Variants in HTT observed in about 807,000 individuals in gnomAD.
HTT encodes huntington disease protein.
HTT carries 104 observed loss-of-function variants against 362.3 expected under a neutral mutation model. The observed-to-expected ratio is 0.29, with a 90% CI of 0.24 to 0.34. The LOEUF is 0.34. Among genes scored for constraint, HTT ranks in the 10% least tolerant of loss-of-function variants. The pLI is 1.00. For synonymous variants in HTT, 1,577 were observed against 1,548.7 expected, an observed-to-expected ratio of 1.02 and a Z score of -0.43; for missense variants, 3,301 against 3,928.6, an observed-to-expected ratio of 0.84 and a Z score of 4.27.
chr4:3,206,842 G>A lies in HTT; in HGVS notation c.5934G>A (p.Glu1978=). 1.2e-6 allele frequency: 2 copies of A among 1,611,128 alleles called. No individual in the cohort carries two copies. The highest frequency in any genetic ancestry group is 1.1e-5 in the South Asian group (1 of 90,768). Reference sequence around the variant, plus strand: ...TGAAGAAAACTCTTCAGTGCTTGGAGGGGATCCATCTCAGCCAGTCGGGAG... The same window carrying A: ...TGAAGAAAACTCTTCAGTGCTTGGAAGGGATCCATCTCAGCCAGTCGGGAG... ...TMLKKTLQCL[E]GIHLSQSGAV... is the part of the protein sequence containing the mutation. The change falls in exon 44 of 67, where the codon GAG becomes GAA. Residue 1978 remains glutamate, a synonymous_variant. Transcript: ENST00000355072. The surrounding 1 kb of genome is among the most constrained non-coding windows in gnomAD (Gnocchi z 4.6).
At chr4:3,215,532 C>T (rs1019889101) in intron 51 of HTT, among the ~76,000 whole-genome samples, 1 of 152,178 alleles carries the variant, frequency 6.6e-6, no homozygotes, top group African/African-American at 2.4e-5. Flanking sequence ...GGGCAGGGAA[C>T]AGGTTTGTCT....
At chr4:3,192,050 T>G (rs954947371) in intron 40 of HTT, among the ~76,000 whole-genome samples, 11 of 152,146 alleles carry the variant, frequency 7.2e-5, no homozygotes, top group Admixed American at 6.5e-4. Context: ...TCTGCTTTCT[T>G]CTTTTCATTT....
chr4:3,101,946 G>T (rs182383325), intron 3 of HTT, among the ~76,000 whole-genome samples: 82 of 152,332 alleles, frequency 5.4e-4, no homozygotes, highest in African/African-American at 1.9e-3. Context: ...GTCTCAAGGG[G>T]TGCCAGGAAG....
intron 61 of HTT, 66 bp downstream of exon 61, chr4:3,233,419 A>C: frequency 1.4e-6 from 2 of 1,465,822 alleles, no homozygotes; most frequent in Non-Finnish European, 9.4e-7. Context: ...AAGCAGCATC[A>C]CCCTCTCCAA....
At position 3,174,937 on chromosome 4, in the gene HTT, T is replaced by C; in HGVS notation, c.4246-9T>C. The C allele has an allele frequency of 1.3e-6, 2 of 1,566,896 alleles. No individual in the cohort carries two copies. The highest frequency in any genetic ancestry group is 1.7e-6 in the Non-Finnish European group (2 of 1,153,328). ...ATGGATTCTTTCTTTCTTTTTTTCTTTTTTATAGAATGCTATTCATAATCA... is the reference window on the plus strand; with the variant it reads ...ATGGATTCTTTCTTTCTTTTTTTCTCTTTTATAGAATGCTATTCATAATCA... On this transcript the variant is annotated splice_polypyrimidine_tract_variant and intron_variant, in intron 32 of 66. Transcript: ENST00000355072.
chr4:3,184,114 G>A (rs752760924), intron 37 of HTT, among the ~76,000 whole-genome samples: 11 of 152,026 alleles, frequency 7.2e-5, no homozygotes, highest in Non-Finnish European at 1.3e-4. Context: ...TGGTGTCTGC[G>A]GTGGGAGTGG....
intron 57 of HTT, among the ~76,000 whole-genome samples, chr4:3,227,805 C>G (rs1468783862): frequency 6.6e-6 from 1 of 150,724 alleles, no homozygotes. Flanking sequence ...CCTGCCCTGT[C>G]TGGGGCTGAA....
Position 3,241,936 on chromosome 4 carries a change from A to G in HTT, c.*1877A>G, listed in dbSNP as rs1485320896. ...GGGAAGCTACTGAATTATAACACGT[A>G]AGAAAATCACCATTCCGTATTGGTT... is the stretch of plus-strand genomic sequence containing the variant. On this transcript the variant is annotated 3_prime_UTR_variant, in exon 67 of 67. Transcript: ENST00000355072. The G allele has an allele frequency of 4.7e-5, 1 of 21,454 alleles. No homozygotes were observed. Among genetic ancestry groups the G allele is most frequent in the Admixed American group, 7.3e-4 (1 of 1,366 alleles). The allele number at this position is 21,454 out of a possible 1,614,324, so 1.3% of individuals were successfully genotyped here.
At chr4:3,075,940 C>T (rs994988432) in intron 1 of HTT, among the ~76,000 whole-genome samples, 2 of 151,968 alleles carry the variant, frequency 1.3e-5, no homozygotes, top group Admixed American at 1.3e-4. Flanking sequence ...AGTTTTTTGC[C>T]TATGTGTGTT....
chr4:3,167,106 C>T (rs1717754485), intron 29 of HTT, among the ~76,000 whole-genome samples: 1 of 152,252 alleles, frequency 6.6e-6, no homozygotes, highest in African/African-American at 2.4e-5. Context: ...GAGTCTTGCT[C>T]TGTCGCCCAG....
In HTT at chr4:3,218,081, C is replaced by A; in HGVS notation, c.7242+129C>A. 1 of 763,236 alleles carries A rather than the reference C, an allele frequency of 1.3e-6. No individual in the cohort carries two copies. The highest frequency in any genetic ancestry group is 2.0e-6 in the Non-Finnish European group (1 of 491,624). 47.3% of individuals were successfully genotyped at this position (763,236 alleles called of 1,614,324 possible). ...GAGGCTGCCTGCTGTGGTTCTGGTG[C>A]CCACTGTGGTTCTGGTGCCAGGCTG... On this transcript the variant is annotated intron_variant, in intron 52 of 66. Transcript: ENST00000355072. This position sits in a 1 kb window ranked among gnomAD's most constrained non-coding sequence, Gnocchi z 4.4.
intron 1 of HTT, among the ~76,000 whole-genome samples, chr4:3,078,327 C>G (rs1363064193): frequency 1.3e-5 from 2 of 152,286 alleles, no homozygotes; most frequent in East Asian, 1.9e-4. Flanking sequence ...CCTCGTGAAG[C>G]TTTCATTCTA....
intron 30 of HTT, among the ~76,000 whole-genome samples, chr4:3,172,657 C>G (rs1430267997): frequency 6.6e-6 from 1 of 152,178 alleles, no homozygotes; most frequent in Non-Finnish European, 1.5e-5. Context: ...CTTCCAGTCC[C>G]TCGGAGTTTC....
chr4:3,099,031 T>C (rs914453126), intron 2 of HTT, among the ~76,000 whole-genome samples: 1 of 152,228 alleles, frequency 6.6e-6, no homozygotes, highest in Non-Finnish European at 1.5e-5. Context: ...AGTTTTCATA[T>C]ACCCTACATC....
intron 40 of HTT, among the ~76,000 whole-genome samples, chr4:3,192,034 C>G (rs1287881676): frequency 6.6e-6 from 1 of 152,098 alleles, no homozygotes; most frequent in Non-Finnish European, 1.5e-5. Flanking sequence ...ATTTATGCAT[C>G]TCAGCTCTGC....
chr4:3,077,525 T>G (rs1359463589), intron 1 of HTT, among the ~76,000 whole-genome samples: 1 of 152,188 alleles, frequency 6.6e-6, no homozygotes, highest in African/African-American at 2.4e-5. Flanking sequence ...GTTCAAATGC[T>G]TCTCCTGCCT....
intron 1 of HTT, among the ~76,000 whole-genome samples, chr4:3,084,863 A>G (rs1467212523): frequency 6.6e-6 from 1 of 150,784 alleles, no homozygotes; most frequent in East Asian, 2.0e-4. Flanking sequence ...AAATACAAAA[A>G]ATTAGCCGGG....
rs753672871 is a variant in HTT at position 3,116,311 on chromosome 4, T to C, written c.1068+48T>C. On this transcript the variant is annotated intron_variant, in intron 8 of 66. Transcript: ENST00000355072. ...AGGCCCTGCATGTGAATGACTGACA[T>C]TCAAAGAACCGATTAATTTGGAAGA... The C allele has an allele frequency of 2.8e-5, 42 of 1,476,274 alleles. 2 individuals are homozygous for C. In the Middle Eastern group the frequency reaches 5.8e-3, roughly 202 times the overall value. 91.4% of individuals were successfully genotyped at this position (1,476,274 alleles called of 1,614,324 possible).
intron 23 of HTT, among the ~76,000 whole-genome samples, chr4:3,143,854 C>T (rs534528759): frequency 1.1e-4 from 16 of 152,216 alleles, no homozygotes; most frequent in Admixed American, 2.6e-4. Context: ...CCGCCCTCCT[C>T]GACCCCCCAA....
Sources: gnomAD v4.1 joint callset for allele counts (sites outside exome capture counted in the v4.1 genomes callset) on GRCh38, gnomAD v4.1.1 for gene constraint, Gnocchi (gnomAD v3.1) non-coding constraint, MANE v1.5 for transcripts, NCBI Gene and HGNC (gene_info 2026-07-23, HGNC 2026-07-21) for gene names.